The following RGS18 variants were observed in gnomAD, a reference collection of about 807,000 sequenced individuals.
The protein encoded by RGS18 is regulator of G-protein signaling 18.
Under a neutral mutation model 27.6 loss-of-function variants are expected in RGS18, and 22 were observed. The observed-to-expected ratio is 0.80, with a 90% confidence interval of 0.57 to 1.14. RGS18 has a LOEUF of 1.14. Among genes scored for constraint, RGS18 ranks in the 50% most tolerant of loss-of-function variants. The pLI is 0.00. For synonymous variants in RGS18, 89 were observed against 84.6 expected (o/e 1.05, Z -0.29); for missense variants, 299 against 269.6 (o/e 1.11, Z -0.76).
rs373098826 is a variant in RGS18 at position 192,169,694 on chromosome 1, G to A, written c.283+9255G>A. 3 of 152,022 alleles carry A rather than the reference G, an allele frequency of 2.0e-5. No individual in the cohort carries two copies. In the East Asian group the frequency reaches 5.8e-4, roughly 29 times the overall value. The allele number at this position is 152,022 out of a possible 1,614,324, so 9.4% of individuals were successfully genotyped here. On this transcript the variant is annotated intron_variant, in intron 3 of 4. Transcript: ENST00000367460. ...AAAATCTTCTCACAATTATTTTGTT[G>A]TCCTGCTTCCAGTTTTTTCTTAATA...
intron 3 of RGS18, among the ~76,000 whole-genome samples, chr1:192,172,588 T>C (rs1025576293): frequency 5.9e-5 from 9 of 151,734 alleles, no homozygotes; most frequent in Admixed American, 5.3e-4. Flanking sequence ...ATACACTACA[T>C]TTCCTGGGTC....
chr1:192,175,871 T>TAAGCA (rs1367009951), intron 3 of RGS18, among the ~76,000 whole-genome samples: 1 of 151,884 alleles, frequency 6.6e-6, no homozygotes, highest in Non-Finnish European at 1.5e-5. Context: ...TACAACTAGT[T>TAAGCA]AAGCAAAGCA....
rs866245492 is a variant in RGS18, at chr1:192,184,395, C to T, written c.549C>T (p.Leu183=). ...FDAAQSRVYQ[L]MEQDSYTRFL... ...CTGCACAAAGCAGAGTGTATCAGCT[C>T]ATGGAACAAGACAGTTATACACGTT... The change falls in exon 5 of 5, where the codon CTC becomes CTT. Residue 183 remains leucine (L), a synonymous_variant. Transcript: ENST00000367460. The T allele has an allele frequency of 6.2e-7, 1 of 1,611,856 alleles. No homozygotes were observed. Among genetic ancestry groups the T allele is most frequent in the South Asian group, 1.1e-5 (1 of 91,024 alleles).
intron 3 of RGS18, among the ~76,000 whole-genome samples, chr1:192,172,586 C>T (rs562979590): frequency 6.6e-6 from 1 of 151,914 alleles, no homozygotes; most frequent in African/African-American, 2.4e-5. Context: ...GAATACACTA[C>T]ATTTCCTGGG....
chr1:192,161,399 A>T (rs746942465), intron 3 of RGS18: 1 of 152,158 alleles, frequency 6.6e-6, no homozygotes, highest in Non-Finnish European at 1.5e-5. Flanking sequence ...AATTTACATA[A>T]GGTAGCAAGT....
intron 3 of RGS18, chr1:192,169,171 T>A (rs1442884944): frequency 1.3e-5 from 2 of 152,212 alleles, no homozygotes; most frequent in East Asian, 1.9e-4. Context: ...GTACAAAAAA[T>A]TTATTATAAT....
chr1:192,158,624 A>C lies in RGS18; in HGVS notation c.-14A>C, dbSNP rs371194972. 2.5e-5 allele frequency: 38 copies of C among 1,538,352 alleles called. No individual in the cohort carries two copies. The African/African-American group carries it at 5.2e-4, about 21-fold the overall frequency. On this transcript the variant is annotated 5_prime_UTR_variant, in exon 1 of 5. Transcript: ENST00000367460. ...GATGTAATAAATTAGACATCTCTTCATTTTAGAGAGAAGATGGAAACAACA... is the reference window on the plus strand; with the variant it reads ...GATGTAATAAATTAGACATCTCTTCCTTTTAGAGAGAAGATGGAAACAACA...
chr1:192,180,287 T>C (rs1656429252), intron 3 of RGS18, among the ~76,000 whole-genome samples: 1 of 151,572 alleles, frequency 6.6e-6, no homozygotes, highest in Non-Finnish European at 1.5e-5. Flanking sequence ...TTCCAAACAC[T>C]TGGTGTATTT....
In RGS18 at chr1:192,174,289, C is replaced by T. The variant is rs115570559; in HGVS notation, c.284-7003C>T. ...TCAATTATTAATTCAAACCCCTTGC[C>T]GGCAAAGGACATATCTGTAAGGTAT... On this transcript the variant is annotated intron_variant, in intron 3 of 4. Transcript: ENST00000367460. Among the ~76,000 whole-genome samples, 343 of 151,674 alleles carry T rather than the reference C, an allele frequency of 2.3e-3. 4 individuals are homozygous for T. Among genetic ancestry groups the T allele is most frequent in the African/African-American group, 7.4e-3 (308 of 41,448 alleles).
At chr1:192,164,624 G>A (rs568949316) in intron 3 of RGS18, among the ~76,000 whole-genome samples, 22 of 152,156 alleles carry the variant, frequency 1.4e-4, no homozygotes, top group Middle Eastern at 6.8e-3. Context: ...AAATTGAATC[G>A]GGGGCATATT....
intron 3 of RGS18, among the ~76,000 whole-genome samples, chr1:192,172,869 A>ATATATATATATATATATATC: frequency 7.5e-6 from 1 of 134,002 alleles, no homozygotes; most frequent in Non-Finnish European, 1.6e-5. Flanking sequence ...ATATGCATAT[A>ATATATATATATATATATATC]TATATATATA....
chr1:192,163,762 C>A (rs976468549), intron 3 of RGS18: 13 of 151,548 alleles, frequency 8.6e-5, no homozygotes, highest in African/African-American at 3.1e-4. Context: ...AATTGTCAAA[C>A]TTAAAATAAT....
chr1:192,164,517 AT>A (rs754494047), intron 3 of RGS18, among the ~76,000 whole-genome samples: 2 of 152,282 alleles, frequency 1.3e-5, no homozygotes, highest in South Asian at 2.1e-4. Flanking sequence ...TAAAAAAAAA[AT>A]GAGTAAATAT....
At chr1:192,178,421 G>A (rs1315107848) in intron 3 of RGS18, among the ~76,000 whole-genome samples, 4 of 151,508 alleles carry the variant, frequency 2.6e-5, no homozygotes, top group Non-Finnish European at 5.9e-5. Context: ...AATTTTTCAG[G>A]AAATGAGTTT....
At chr1:192,170,244 T>G (rs533913573) in intron 3 of RGS18, among the ~76,000 whole-genome samples, 2 of 152,290 alleles carry the variant, frequency 1.3e-5, no homozygotes, top group South Asian at 4.1e-4. Context: ...CCAAATGTCA[T>G]GCTGAAATGT....
intron 4 of RGS18, among the ~76,000 whole-genome samples, chr1:192,182,066 C>T (rs753144412): frequency 6.6e-6 from 1 of 151,538 alleles, no homozygotes; most frequent in African/African-American, 2.4e-5. Flanking sequence ...TCCATATGTA[C>T]CACATTTTCT....
intron 4 of RGS18, among the ~76,000 whole-genome samples, chr1:192,183,651 A>G (rs12096377): frequency 9.5e-4 from 144 of 151,686 alleles, no homozygotes; most frequent in African/African-American, 3.3e-3. Flanking sequence ...AACAGACACA[A>G]CAGCACTATT....
Position 192,158,716 on chromosome 1 carries a change from G to T in RGS18, c.79G>T (p.Gly27Cys), listed in dbSNP as rs1024305282. Residue 27 changes from glycine to cysteine, a missense_variant, in exon 1 of 5, where the codon GGT becomes TGT. Coordinates refer to ENST00000367460, the MANE Select transcript of RGS18 (RefSeq NM_130782.3). ...AAAAACTTTTTTCAAGTTAATACAT[G>T]GTTCAGGAAAAGAAGAAACAAGCAA... ...KEKTFFKLIH[G>C]SGKEETSKEA... 6.3e-7 allele frequency: 1 copy of T among 1,575,298 alleles called. No individual in the cohort carries two copies. Among genetic ancestry groups the T allele is most frequent in the East Asian group, 2.3e-5 (1 of 43,374 alleles).
Position 192,181,449 on chromosome 1 carries a change from C to T in RGS18, c.441C>T (p.Ala147=), listed in dbSNP as rs2102161035. 2 of 1,539,816 alleles carry T rather than the reference C, an allele frequency of 1.3e-6. No homozygotes were observed. Among genetic ancestry groups the T allele is most frequent in the South Asian group, 1.3e-5 (1 of 75,272 alleles). Residue 147 remains alanine (A), a synonymous_variant, in exon 4 of 5, where the codon GCC becomes GCT. Coordinates refer to ENST00000367460, the MANE Select transcript of RGS18 (RefSeq NM_130782.3). The stretch of plus-strand genomic sequence containing the variant: ...ATGAGAAATTTATACAGACTGATGC[C>T]CCAAAAGAGGTACAGTAAAGATAAC... The part of the protein sequence containing the change: ...AIYEKFIQTD[A]PKEVNLDFHT...
Sources: gnomAD v4.1 joint callset for allele counts (sites outside exome capture counted in the v4.1 genomes callset) on GRCh38, gnomAD v4.1.1 for gene constraint, MANE v1.5 for transcripts, NCBI Gene and HGNC (gene_info 2026-07-23, HGNC 2026-07-21) for gene names.